The following CPAMD8 variants were observed in gnomAD, a reference collection of about 807,000 sequenced individuals.
CPAMD8 encodes the protein C3 and PZP like alpha-2-macroglobulin domain containing 8, also known as C3 and PZP-like alpha-2-macroglobulin domain-containing protein 8.
Under a neutral mutation model 224.7 loss-of-function variants are expected in CPAMD8, and 146 were observed. The ratio of observed to expected loss-of-function variants is 0.65; its 90% CI spans 0.57 to 0.75. CPAMD8 has a LOEUF of 0.75. Among genes scored for constraint, CPAMD8 ranks in the 30% least tolerant of loss-of-function variants. The probability of loss-of-function intolerance (pLI) is 0.00; values close to 1 mark genes in which losing one functional copy is unlikely to be tolerated. For synonymous variants in CPAMD8, 966 were observed against 1,044.6 expected, an observed-to-expected ratio of 0.92 and a Z score of 1.45; for missense variants, 2,301 against 2,537.5, an observed-to-expected ratio of 0.91 and a Z score of 2.00.
intron 18 of CPAMD8, among the ~76,000 whole-genome samples, chr19:16,967,892 T>TATATACACACACAC (rs71946803): frequency 2.0e-5 from 1 of 49,514 alleles, no homozygotes; most frequent in African/African-American, 1.3e-4. Flanking sequence ...TACACACACA[T>TATATACACACACAC]GTGTGTGTAT....
intron 23 of CPAMD8, among the ~76,000 whole-genome samples, chr19:16,933,152 A>G (rs2053592436): frequency 1.3e-5 from 2 of 152,146 alleles, no homozygotes; most frequent in Non-Finnish European, 2.9e-5. Context: ...AAATGCAGAA[A>G]CATAAACTTT....
At chr19:17,004,428 A>ATTTTTT in intron 7 of CPAMD8, 42 bp from the exon 8 acceptor site, 1 of 1,301,850 alleles carries the variant, frequency 7.7e-7, no homozygotes, top group South Asian at 1.2e-5. Context: ...AGAGAGCCAC[A>ATTTTTT]GACACGGTGA....
chr19:16,906,354 CTTT>C (rs2052485759), intron 30 of CPAMD8, among the ~76,000 whole-genome samples: 1 of 32,048 alleles, frequency 3.1e-5, no homozygotes. Context: ...TTCTTTCTTT[CTTT>C]CTTTCTTTCT....
At chr19:16,970,597 CAA>C (rs957695588) in intron 18 of CPAMD8, among the ~76,000 whole-genome samples, 2 of 138,660 alleles carry the variant, frequency 1.4e-5, no homozygotes. Context: ...GACTCCATCT[CAA>C]AAAAAAAAAG....
rs754378391 is a variant in CPAMD8 at position 16,914,774 on chromosome 19, G to A, written c.3669C>T (p.Arg1223=). 4.3e-6 allele frequency: 7 copies of A among 1,613,720 alleles called. No homozygotes were observed. The highest frequency in any genetic ancestry group is 1.6e-4 in the Middle Eastern group (1 of 6,080). Residue 1223 remains arginine (R), a synonymous_variant, in exon 28 of 42, where the codon CGC becomes CGT. Coordinates refer to ENST00000443236, the MANE Select transcript of CPAMD8 (RefSeq NM_015692.5). ...AFVLKSFAQA[R]SFIFVDPREL... is the part of the protein sequence containing the mutation. Reference sequence around the variant, plus strand: ...CCCGGGGGTCCACGAAGATAAAGCTGCGAGCCTGTGCGAAGGACTTCAGGA... The same window carrying A: ...CCCGGGGGTCCACGAAGATAAAGCTACGAGCCTGTGCGAAGGACTTCAGGA...
intron 16 of CPAMD8, 145 bp from the exon 17 acceptor site, chr19:16,975,403 C>T: frequency 1.5e-6 from 1 of 662,466 alleles, no homozygotes; most frequent in African/African-American, 1.8e-5. Flanking sequence ...AGCATCAGCC[C>T]ATTTTAAGAT....
intron 27 of CPAMD8, among the ~76,000 whole-genome samples, chr19:16,915,863 CCTTT>C (rs1161919857): frequency 7.3e-5 from 11 of 150,478 alleles, no homozygotes; most frequent in African/African-American, 2.7e-4. Context: ...CCTCCCTCTT[CCTTT>C]CTTCTTTCTC....
Position 16,997,484 on chromosome 19 carries a change from G to A in CPAMD8, c.868-146C>T, listed in dbSNP as rs558586062. 2.0e-4 allele frequency: 127 copies of A among 648,148 alleles called. 1 individual carries two copies. The highest frequency in any genetic ancestry group is 1.5e-3 in the South Asian group (87 of 56,840). 40.1% of individuals were successfully genotyped at this position (648,148 alleles called of 1,614,324 possible). On this transcript the variant is annotated intron_variant, in intron 10 of 41. Coordinates refer to ENST00000443236, the MANE Select transcript of CPAMD8 (RefSeq NM_015692.5). Reference sequence around the variant, plus strand: ...TGGTGGCATACCCAATCTATGCCACGGGACCATGCAGAGGGTCCCTCACTG... The same window carrying A: ...TGGTGGCATACCCAATCTATGCCACAGGACCATGCAGAGGGTCCCTCACTG...
chr19:16,893,345 G>A lies in CPAMD8; in HGVS notation c.5427-6C>T, dbSNP rs1183796989. On this transcript the variant is annotated splice_polypyrimidine_tract_variant and splice_region_variant and intron_variant, in intron 41 of 41. Transcript: ENST00000443236. The stretch of plus-strand genomic sequence containing the variant: ...GCCGAGGCCCGGCTGTGACCCTGGA[G>A]ATGAGGTTTTATCTTACAACATCCT... 1 of 1,516,742 alleles carries A rather than the reference G, an allele frequency of 6.6e-7. No homozygotes were observed. Among genetic ancestry groups the A allele is most frequent in the East Asian group, 2.5e-5 (1 of 40,496 alleles). The allele number at this position is 1,516,742 out of a possible 1,614,324, so 94.0% of individuals were successfully genotyped here. A position where few individuals can be genotyped will look rare whatever the true frequency, so the allele number is the denominator to read the frequency against.
chr19:17,012,314 C>T (rs571121003), intron 3 of CPAMD8, among the ~76,000 whole-genome samples: 126 of 150,548 alleles, frequency 8.4e-4, no homozygotes, highest in Non-Finnish European at 1.5e-3. Context: ...CCATTGCACC[C>T]GGCCATATCT....
chr19:17,002,916 T>TTC (rs1052240860), intron 8 of CPAMD8, among the ~76,000 whole-genome samples: 6 of 151,158 alleles, frequency 4.0e-5, no homozygotes, highest in Non-Finnish European at 7.4e-5. Context: ...TTTTCTTTTT[T>TTC]TTTTTGAGAC....
chr19:17,011,068 C>T (rs577648905), intron 5 of CPAMD8, among the ~76,000 whole-genome samples: 10 of 151,930 alleles, frequency 6.6e-5, no homozygotes, highest in African/African-American at 1.9e-4. Context: ...GTGGTGGGCA[C>T]CTATAATCCC....
At chr19:16,982,326 G>T (rs115708182) in intron 13 of CPAMD8, among the ~76,000 whole-genome samples, 1 of 151,740 alleles carries the variant, frequency 6.6e-6, no homozygotes, top group Non-Finnish European at 1.5e-5. Flanking sequence ...CAGGGAGGTC[G>T]ATGTGCGGTG....
chr19:17,002,904 TC>T lies in CPAMD8; in HGVS notation c.674-555del, dbSNP rs1475534558. 8.6e-3 allele frequency among the ~76,000 whole-genome samples: 982 copies of T among 113,994 alleles called. 6 individuals are homozygous for T. Among genetic ancestry groups the T allele is most frequent in the African/African-American group, 0.035 (936 of 26,436 alleles). 74.8% of individuals were successfully genotyped at this position (113,994 alleles called of 152,430 possible). On this transcript the variant is annotated intron_variant, in intron 8 of 41. Coordinates refer to ENST00000443236, the MANE Select transcript of CPAMD8 (RefSeq NM_015692.5). ...TTTCGTTCTTTCTTTTCTTTTCTTT[TC>T]TTTTCTTTTTTTTTTTGAGACAGAT...
intron 9 of CPAMD8, 54 bp from the exon 10 acceptor site, chr19:17,000,576 G>A: frequency 1.2e-6 from 1 of 835,286 alleles, no homozygotes; most frequent in African/African-American, 1.7e-5. Context: ...GGCAGGGAGG[G>A]CCCAGCCTCA....
intron 7 of CPAMD8, among the ~76,000 whole-genome samples, chr19:17,005,642 C>T (rs2056468351): frequency 6.6e-6 from 1 of 152,124 alleles, no homozygotes; most frequent in Non-Finnish European, 1.5e-5. Context: ...CTCCACTCGT[C>T]CCCAATGATC....
At chr19:16,938,601 A>G (rs2053778004) in intron 22 of CPAMD8, among the ~76,000 whole-genome samples, 155 bp from the exon 23 acceptor site, 1 of 152,162 alleles carries the variant, frequency 6.6e-6, no homozygotes, top group Non-Finnish European at 1.5e-5. Context: ...TCACACCAAG[A>G]TCACAGGTGC....
At chr19:16,904,176 A>AGGGCCCCCCCCCCCCCCCCCCCCC in intron 32 of CPAMD8, 50 bp downstream of exon 32, 5 of 937,330 alleles carry the variant, frequency 5.3e-6, no homozygotes, top group Non-Finnish European at 8.4e-6. Flanking sequence ...GACTGCAGGG[A>AGGGCCCCCCCCCCCCCCCCCCCCC]CCCCACCCAC....
chr19:16,957,296 G>A (rs1372344875), intron 19 of CPAMD8, among the ~76,000 whole-genome samples: 1 of 152,232 alleles, frequency 6.6e-6, no homozygotes, highest in Non-Finnish European at 1.5e-5. Flanking sequence ...CAGTTTTCAT[G>A]CCAAACTGGT....
Sources: gnomAD v4.1 joint callset for allele counts (sites outside exome capture counted in the v4.1 genomes callset) on GRCh38, gnomAD v4.1.1 for gene constraint, MANE v1.5 for transcripts, NCBI Gene and HGNC (gene_info 2026-07-23, HGNC 2026-07-21) for gene names.